Variants in WASHC4 observed in about 807,000 individuals in gnomAD.
WASHC4 encodes the protein WASH complex subunit 7.
WASHC4 carries 86 observed loss-of-function variants against 166.6 expected under a neutral mutation model. That is an observed-to-expected ratio of 0.52 (90% CI 0.43 to 0.62). WASHC4 has a LOEUF of 0.62. Ranked by LOEUF, WASHC4 falls within the 20% of genes least tolerant of loss-of-function variation. The pLI, the probability that WASHC4 is intolerant of heterozygous loss-of-function variation, is 0.00. For synonymous variants in WASHC4, 446 were observed against 451.6 expected, an observed-to-expected ratio of 0.99 and a Z score of 0.16; for missense variants, 1,262 against 1,382.4, an observed-to-expected ratio of 0.91 and a Z score of 1.38.
intron 22 of WASHC4, among the ~76,000 whole-genome samples, chr12:105,145,227 T>C (rs2135803313): frequency 6.6e-6 from 1 of 152,100 alleles, no homozygotes; most frequent in African/African-American, 2.4e-5. Context: ...CTGGTTATAG[T>C]ATATAAAATT....
intron 24 of WASHC4, chr12:105,147,643 C>T (rs1253073343): frequency 5.2e-6 from 5 of 960,030 alleles, no homozygotes; most frequent in East Asian, 1.0e-4. Context: ...TGGTGGCTCA[C>T]GCTTGTAATC....
intron 18 of WASHC4, 128 bp from the exon 19 acceptor site, chr12:105,142,325 G>T: frequency 4.3e-6 from 3 of 689,730 alleles, no homozygotes; most frequent in South Asian, 3.0e-5. Flanking sequence ...TACTATGTTG[G>T]GTTAAGTGAT....
intron 6 of WASHC4, among the ~76,000 whole-genome samples, chr12:105,117,315 G>C (rs1880279124): frequency 6.6e-6 from 1 of 151,980 alleles, no homozygotes; most frequent in Non-Finnish European, 1.5e-5. Flanking sequence ...TCATGTTTTA[G>C]TTGGGTTTAT....
At chr12:105,146,339 A>G (rs1198135480) in intron 22 of WASHC4, 113 bp from the exon 23 acceptor site, 2 of 725,106 alleles carry the variant, frequency 2.8e-6, no homozygotes, top group African/African-American at 1.8e-5. Flanking sequence ...GTTCTTTAAA[A>G]TAACTTAAAA....
Position 105,167,139 on chromosome 12 carries a change from T to A in WASHC4, c.*208T>A, listed in dbSNP as rs1349559695. ...AAGGTTAAGAATGAGATTTTAAAAT[T>A]GGATTTTTGCCTGGACTTGAGGGTA... On this transcript the variant is annotated 3_prime_UTR_variant, in exon 33 of 33. Transcript: ENST00000332180. 1 of 534,828 alleles carries A rather than the reference T, an allele frequency of 1.9e-6. No individual in the cohort carries two copies. The highest frequency in any genetic ancestry group is 3.1e-5 in the East Asian group (1 of 32,342). The allele number at this position is 534,828 out of a possible 1,614,324, so 33.1% of individuals were successfully genotyped here.
chr12:105,132,816 G>C (rs957169578), intron 13 of WASHC4, among the ~76,000 whole-genome samples: 51 of 151,692 alleles, frequency 3.4e-4, no homozygotes, highest in Non-Finnish European at 6.8e-4. Flanking sequence ...GTGTGTGTGT[G>C]TGTGTGTGTG....
At position 105,144,744 on chromosome 12, in the gene WASHC4, A is replaced by G. The variant is rs1327697515; in HGVS notation, c.2206A>G (p.Thr736Ala). The G allele has an allele frequency of 6.2e-7, 1 of 1,612,322 alleles. No individual in the cohort carries two copies. The highest frequency in any genetic ancestry group is 1.1e-5 in the South Asian group (1 of 90,942). The change falls in exon 22 of 33, where the codon ACT (threonine) becomes GCT (alanine). Residue 736 changes from threonine to alanine, a missense_variant. Transcript: ENST00000332180. ...RAYVTHYLDK[T>A]FYNLTTVALH... ...TTACGTAACTCACTACCTAGACAAG[A>G]CTTTCTACAATCTAACAACTGTAGC...
intron 15 of WASHC4, among the ~76,000 whole-genome samples, chr12:105,138,376 A>ATG: frequency 6.6e-6 from 1 of 150,454 alleles, no homozygotes; most frequent in African/African-American, 2.4e-5. Flanking sequence ...AAAAAAAAAC[A>ATG]GCTTGTCTAC....
chr12:105,136,063 A>G (rs990862155), intron 14 of WASHC4, among the ~76,000 whole-genome samples: 1 of 152,158 alleles, frequency 6.6e-6, no homozygotes, highest in African/African-American at 2.4e-5. Context: ...AACCCAGGTT[A>G]TATCAATCTA....
chr12:105,145,440 A>G (rs1254524038), intron 22 of WASHC4, among the ~76,000 whole-genome samples: 1 of 152,052 alleles, frequency 6.6e-6, no homozygotes, highest in African/African-American at 2.4e-5. Flanking sequence ...ATATTTACCA[A>G]AAAACATTTA....
intron 26 of WASHC4, among the ~76,000 whole-genome samples, chr12:105,155,691 A>AT (rs1196994243): frequency 2.1e-4 from 20 of 96,504 alleles, no homozygotes; most frequent in Non-Finnish European, 4.2e-4. Flanking sequence ...AAATACAAAA[A>AT]TTAGCCGGGC....
At chr12:105,109,004 C>T (rs146801529) in intron 1 of WASHC4, among the ~76,000 whole-genome samples, 5 of 152,070 alleles carry the variant, frequency 3.3e-5, no homozygotes, top group African/African-American at 4.8e-5. Context: ...GGCTTGGTGG[C>T]GAGCGCCTGT....
chr12:105,136,970 G>T (rs1056376439), intron 14 of WASHC4, among the ~76,000 whole-genome samples: 3 of 152,048 alleles, frequency 2.0e-5, no homozygotes, highest in Non-Finnish European at 2.9e-5. Context: ...GGTGGGACAG[G>T]AGCAAAAGTT....
chr12:105,118,387 TA>T, intron 6 of WASHC4, 58 bp from the exon 7 acceptor site: 2 of 1,199,500 alleles, frequency 1.7e-6, no homozygotes, highest in Non-Finnish European at 2.5e-6. Context: ...TAAAATTCAG[TA>T]AAAAATGGTG....
intron 6 of WASHC4, 54 bp downstream of exon 6, chr12:105,115,782 T>G: frequency 6.3e-6 from 7 of 1,106,730 alleles, no homozygotes; most frequent in Non-Finnish European, 9.7e-6. Context: ...TTGAGTAAAT[T>G]ACACAACACG....
chr12:105,149,862 T>TGC lies in WASHC4; in HGVS notation c.2649+113_2649+114insGC, dbSNP rs574672823. On this transcript the variant is annotated intron_variant, in intron 25 of 32. Coordinates refer to ENST00000332180, the MANE Select transcript of WASHC4 (RefSeq NM_015275.3). ...ATTGGGGTTTTAGTTTTATTTTCCC[T>TGC]ATAATTTCTTACTCTGCATTATCTG... 4.0e-5 allele frequency: 43 copies of TGC among 1,066,616 alleles called. No individual in the cohort carries two copies. The East Asian group carries it at 1.1e-3, about 28-fold the overall frequency. 66.1% of individuals were successfully genotyped at this position (1,066,616 alleles called of 1,614,324 possible).
At chr12:105,135,615 A>G (rs905775122) in intron 14 of WASHC4, among the ~76,000 whole-genome samples, 2 of 151,828 alleles carry the variant, frequency 1.3e-5, no homozygotes, top group South Asian at 2.1e-4. Flanking sequence ...AATTCATGCA[A>G]TATTCTTTAC....
chr12:105,122,062 TTTAA>T (rs1880801386), intron 9 of WASHC4, 52 bp from the exon 10 acceptor site: 2 of 1,345,022 alleles, frequency 1.5e-6, no homozygotes, highest in African/African-American at 3.0e-5. Context: ...ATTTTTAATT[TTTAA>T]TTTAAGAATT....
intron 15 of WASHC4, among the ~76,000 whole-genome samples, chr12:105,139,425 G>GTGTGTGTATATATATATATATATA: frequency 9.7e-6 from 1 of 103,190 alleles, no homozygotes; most frequent in African/African-American, 3.6e-5. Context: ...ATGTGTGTGT[G>GTGTGTGTATATATATATATATATA]TATATATATA....
Sources: gnomAD v4.1 joint callset for allele counts (sites outside exome capture counted in the v4.1 genomes callset) on GRCh38, gnomAD v4.1.1 for gene constraint, MANE v1.5 for transcripts, NCBI Gene and HGNC (gene_info 2026-07-23, HGNC 2026-07-21) for gene names.